Variants in LUZP2 observed in about 807,000 individuals in gnomAD.
LUZP2 encodes leucine zipper protein 2.
LUZP2 carries 52 observed loss-of-function variants against 51.6 expected under a neutral mutation model. That is an observed-to-expected ratio of 1.01 (90% CI 0.81 to 1.27). The LOEUF is 1.27. Among genes scored for constraint, LUZP2 ranks in the 50% most tolerant of loss-of-function variants. LUZP2 has a pLI of 0.00. For missense variants in LUZP2, 436 were observed against 395.4 expected (o/e 1.10, Z -0.87); for synonymous variants, 154 against 137.3 (o/e 1.12, Z -0.85).
chr11:24,633,139 T>C (rs1297454606), intron 1 of LUZP2, among the ~76,000 whole-genome samples: 1 of 152,016 alleles, frequency 6.6e-6, no homozygotes, highest in Non-Finnish European at 1.5e-5. Context: ...TAAAATTACC[T>C]TCATATGTAT....
chr11:25,029,891 A>G (rs1199730032), intron 9 of LUZP2, among the ~76,000 whole-genome samples: 1 of 151,880 alleles, frequency 6.6e-6, no homozygotes, highest in Non-Finnish European at 1.5e-5. Context: ...AGAAGTATAA[A>G]CAATTGCCAT....
At chr11:24,952,100 A>G (rs1304928814) in intron 7 of LUZP2, among the ~76,000 whole-genome samples, 1 of 151,772 alleles carries the variant, frequency 6.6e-6, no homozygotes, top group Non-Finnish European at 1.5e-5. Context: ...AGATTTGATA[A>G]TAAGATGAAC....
chr11:24,684,981 C>T (rs1311861468), intron 1 of LUZP2, among the ~76,000 whole-genome samples: 2 of 151,634 alleles, frequency 1.3e-5, no homozygotes, highest in Non-Finnish European at 2.9e-5. Flanking sequence ...AAAGTGGATG[C>T]TTATGTGCTT....
At chr11:24,717,821 C>T (rs1016396600) in intron 1 of LUZP2, among the ~76,000 whole-genome samples, 2 of 151,990 alleles carry the variant, frequency 1.3e-5, no homozygotes, top group Non-Finnish European at 2.9e-5. Flanking sequence ...TCATCATTTA[C>T]CTCCTACTTA....
chr11:24,700,844 T>TA (rs1314757121), intron 1 of LUZP2, among the ~76,000 whole-genome samples: 2 of 151,970 alleles, frequency 1.3e-5, no homozygotes, highest in Non-Finnish European at 2.9e-5. Context: ...TAATAAAAAT[T>TA]AAAAGATATA....
At chr11:24,848,140 T>TTGATATGATATGATATGATAAGATA (rs1851261545) in intron 5 of LUZP2, among the ~76,000 whole-genome samples, 1 of 151,406 alleles carries the variant, frequency 6.6e-6, no homozygotes, top group African/African-American at 2.4e-5. Context: ...TAATATATGA[T>TTGATATGATATGATATGATAAGATA]TGATATGATA....
intron 5 of LUZP2, among the ~76,000 whole-genome samples, chr11:24,780,338 A>G (rs897347800): frequency 6.6e-6 from 1 of 152,150 alleles, no homozygotes; most frequent in African/African-American, 2.4e-5. Context: ...TTATCACACT[A>G]CTTCTGAGTC....
At chr11:24,803,672 A>G (rs2134121109) in intron 5 of LUZP2, among the ~76,000 whole-genome samples, 1 of 152,256 alleles carries the variant, frequency 6.6e-6, no homozygotes, top group Non-Finnish European at 1.5e-5. Flanking sequence ...ATTCTGACAT[A>G]TGCCACGACA....
chr11:25,015,668 C>T (rs1857128246), intron 9 of LUZP2, among the ~76,000 whole-genome samples: 1 of 152,118 alleles, frequency 6.6e-6, no homozygotes, highest in African/African-American at 2.4e-5. Context: ...AGGTGTGGTA[C>T]ATTTGCCAAC....
intron 1 of LUZP2, among the ~76,000 whole-genome samples, chr11:24,682,799 A>G (rs960100554): frequency 1.3e-5 from 2 of 151,628 alleles, no homozygotes. Flanking sequence ...AGATCAAGAG[A>G]TCGAGACCAT....
intron 1 of LUZP2, among the ~76,000 whole-genome samples, chr11:24,529,800 G>A (rs1172244851): frequency 6.6e-6 from 1 of 150,648 alleles, no homozygotes; most frequent in African/African-American, 2.4e-5. Context: ...GTCAAAAACT[G>A]TATAAACAAA....
At chr11:24,507,674 G>A (rs1284485444) in intron 1 of LUZP2, among the ~76,000 whole-genome samples, 1 of 148,194 alleles carries the variant, frequency 6.7e-6, no homozygotes, top group East Asian at 2.0e-4. Flanking sequence ...ATAATAAAGA[G>A]GCAAAAAAAC....
rs143848673 is a variant in LUZP2 at position 24,902,897 on chromosome 11, A to G, written c.397-3094A>G. Among the ~76,000 whole-genome samples the G allele has an allele frequency of 8.0e-3, 1,213 of 152,300 alleles. 22 individuals carry two copies. The highest frequency in any genetic ancestry group is 0.027 in the African/African-American group (1,132 of 41,582). ...AATAATAACAAAAATAAATGAATAC[A>G]AACATAGATACATAAATGAACAGAA... On this transcript the variant is annotated intron_variant, in intron 5 of 11. Coordinates refer to ENST00000336930, the MANE Select transcript of LUZP2 (RefSeq NM_001009909.4).
Position 25,081,028 on chromosome 11 carries a change from G to GA in LUZP2, c.*2371dup, listed in dbSNP as rs999247191. 4 of 67,632 alleles carry GA rather than the reference G, an allele frequency of 5.9e-5. No homozygotes were observed. Among genetic ancestry groups the GA allele is most frequent in the Non-Finnish European group, 1.2e-4 (4 of 32,468 alleles). The allele number at this position is 67,632 out of a possible 1,614,324, so 4.2% of individuals were successfully genotyped here. ...GATCAAGTGGGCTTTGGATCCATAT[G>GA]ATTTTTTTTTTTTTTTTTTTTTGAG... On this transcript the variant is annotated 3_prime_UTR_variant, in exon 12 of 12. Transcript: ENST00000336930.
At chr11:24,591,075 C>T (rs895932484) in intron 1 of LUZP2, among the ~76,000 whole-genome samples, 1 of 152,222 alleles carries the variant, frequency 6.6e-6, no homozygotes, top group South Asian at 2.1e-4. Flanking sequence ...TGCTACTGCA[C>T]TACAGTGTGG....
intron 9 of LUZP2, among the ~76,000 whole-genome samples, chr11:25,033,951 G>T (rs1857776946): frequency 6.6e-6 from 1 of 152,052 alleles, no homozygotes; most frequent in African/African-American, 2.4e-5. Context: ...CCCCAGTAAT[G>T]GGATTGCTGG....
chr11:24,834,627 G>A (rs1023860634), intron 5 of LUZP2, among the ~76,000 whole-genome samples: 2 of 152,194 alleles, frequency 1.3e-5, no homozygotes, highest in Non-Finnish European at 2.9e-5. Flanking sequence ...GTATTGCTGG[G>A]TCAAATGGTA....
intron 4 of LUZP2, among the ~76,000 whole-genome samples, chr11:24,748,717 A>G (rs1859470641): frequency 6.6e-6 from 1 of 152,108 alleles, no homozygotes; most frequent in Non-Finnish European, 1.5e-5. Context: ...TTGGCCTCCC[A>G]ATGTGCTGGG....
intron 1 of LUZP2, among the ~76,000 whole-genome samples, chr11:24,533,764 T>C (rs1851085179): frequency 6.6e-6 from 1 of 151,008 alleles, no homozygotes; most frequent in South Asian, 2.1e-4. Context: ...TTTGGGACAA[T>C]CTATTTCAAA....
Sources: allele counts gnomAD v4.1 joint callset (sites outside exome capture counted in the v4.1 genomes callset), GRCh38; gene constraint gnomAD v4.1.1; transcripts MANE v1.5; gene names NCBI Gene and HGNC (gene_info 2026-07-23, HGNC 2026-07-21).